Variants in PAOX observed in about 807,000 individuals in gnomAD.
The protein encoded by PAOX is polyamine oxidase, also known as peroxisomal N(1)-acetyl-spermine/spermidine oxidase.
A neutral mutation model predicts 39.0 loss-of-function variants in PAOX; 38 were observed. The observed-to-expected ratio is 0.97, with a 90% CI of 0.75 to 1.28. PAOX has a LOEUF of 1.28. Among genes scored for constraint, PAOX ranks in the 50% most tolerant of loss-of-function variants. The probability of loss-of-function intolerance (pLI) is 0.00; values close to 1 mark genes in which losing one functional copy is unlikely to be tolerated. For synonymous variants in PAOX, 311 were observed against 314.4 expected (o/e 0.99, Z 0.11); for missense variants, 667 against 685.7 (o/e 0.97, Z 0.30).
chr10:133,390,405 G>A lies in PAOX; in HGVS notation c.1392+658G>A, dbSNP rs560141731. Among the ~76,000 whole-genome samples the A allele has an allele frequency of 3.7e-3, 442 of 119,644 alleles. 2 individuals are homozygous for A. The highest frequency in any genetic ancestry group is 0.014 in the African/African-American group (431 of 29,918). The allele number at this position is 119,644 out of a possible 152,430, so 78.5% of individuals were successfully genotyped here. On this transcript the variant is annotated intron_variant, in intron 6 of 6. Transcript: ENST00000278060. ...CAGCCTGGGCAACATAGTGAGAGTC[G>A]GTCTCCACACACACACACACACACA...
At chr10:133,388,581 T>C (rs1849585651) in intron 4 of PAOX, among the ~76,000 whole-genome samples, 1 of 152,252 alleles carries the variant, frequency 6.6e-6, no homozygotes, top group Non-Finnish European at 1.5e-5. Context: ...CTGCCCTGGC[T>C]CTTGCTCAGG....
chr10:133,390,762 G>T, intron 6 of PAOX: 1 of 580,390 alleles, frequency 1.7e-6, no homozygotes, highest in Middle Eastern at 4.5e-4. Context: ...GTTACTAATT[G>T]ACTTCTCATT....
rs758218254 is a variant in PAOX at position 133,381,612 on chromosome 10, A to G, written c.821A>G (p.Asp274Gly). 8.1e-6 allele frequency: 13 copies of G among 1,613,392 alleles called. No homozygotes were observed. The highest frequency in any genetic ancestry group is 3.3e-5 in the South Asian group (3 of 91,074). The change falls in exon 3 of 7, where the codon GAT becomes GGT. Residue 274 changes from aspartate to glycine, a missense_variant. By Grantham distance (94) the Asp-to-Gly change is moderately conservative. Coordinates refer to ENST00000278060, the MANE Select transcript of PAOX (RefSeq NM_152911.4). The stretch of plus-strand genomic sequence containing the variant: ...TTTCCAGTGTCGGTAGAGTGTGAGG[A>G]TGGAGACCGGTTCCCGGCGCACCAT... ...ETFPVSVECE[D>G]GDRFPAHHVI... is the part of the protein sequence containing the mutation.
chr10:133,389,031 A>T lies in PAOX; in HGVS notation c.1197A>T (p.Val399=), dbSNP rs776643529. 6.2e-7 allele frequency: 1 copy of T among 1,614,096 alleles called. No homozygotes were observed. The highest frequency in any genetic ancestry group is 8.5e-7 in the Non-Finnish European group (1 of 1,180,010). ...EFMETLSDEE[V]LLCLTQVLRR... is the part of the protein sequence containing the mutation. ...TGGAGACTCTGTCGGATGAAGAAGT[A>T]CTTCTGTGTCTCACCCAAGTGCTCC... Residue 399 remains valine, a synonymous_variant, in exon 5 of 7, where the codon GTA becomes GTT. Transcript: ENST00000278060.
chr10:133,379,358 C>T lies in PAOX; in HGVS notation c.42C>T (p.Pro14=). ...TGSVGEAPGG[P]RVLVVGGGIA... Reference sequence around the variant, plus strand: ...GCGTCGGGGAGGCCCCGGGCGGACCCCGGGTGCTGGTGGTGGGCGGCGGCA... The same window carrying T: ...GCGTCGGGGAGGCCCCGGGCGGACCTCGGGTGCTGGTGGTGGGCGGCGGCA... The change falls in exon 1 of 7, where the codon CCC becomes CCT. Residue 14 remains proline, a synonymous_variant. Coordinates refer to ENST00000278060, the MANE Select transcript of PAOX (RefSeq NM_152911.4). The T allele has an allele frequency of 8.2e-7, 1 of 1,219,198 alleles. No individual in the cohort carries two copies. Among genetic ancestry groups the T allele is most frequent in the Non-Finnish European group, 1.0e-6 (1 of 980,086 alleles). The allele number at this position is 1,219,198 out of a possible 1,614,324, so 75.5% of individuals were successfully genotyped here.
rs554821189 is a variant in PAOX at position 133,387,880 on chromosome 10, C to T, written c.1122-1076C>T. 6.9e-3 allele frequency among the ~76,000 whole-genome samples: 1,046 copies of T among 152,278 alleles called. 9 individuals are homozygous for T. Among genetic ancestry groups the T allele is most frequent in the Non-Finnish European group, 7.2e-3 (492 of 68,022 alleles). On this transcript the variant is annotated intron_variant, in intron 4 of 6. Coordinates refer to ENST00000278060, the MANE Select transcript of PAOX (RefSeq NM_152911.4). ...GGACTACAGGTGCCCGCCACCACGC[C>T]TGGCTAATTTTTGTATTTTTATTAG... is the stretch of plus-strand genomic sequence containing the variant.
chr10:133,381,304 A>G (rs918153449), intron 2 of PAOX, among the ~76,000 whole-genome samples, 156 bp from the exon 3 acceptor site: 1 of 152,072 alleles, frequency 6.6e-6, no homozygotes, highest in Non-Finnish European at 1.5e-5. Flanking sequence ...GAGGTGGAAA[A>G]CCACAGAGTG....
At chr10:133,388,245 C>G (rs929113845) in intron 4 of PAOX, among the ~76,000 whole-genome samples, 1 of 152,074 alleles carries the variant, frequency 6.6e-6, no homozygotes, top group Non-Finnish European at 1.5e-5. Context: ...GTTCTATCAC[C>G]CAGGAATTAA....
In PAOX at chr10:133,387,560, C is replaced by T. The variant is rs74164171; in HGVS notation, c.1122-1396C>T. Reference sequence around the variant, plus strand: ...ATTTTCAAGAAAATGTCACCAAATACCACACCATGATTTGTCTGACTGGTG... The same window carrying T: ...ATTTTCAAGAAAATGTCACCAAATATCACACCATGATTTGTCTGACTGGTG... On this transcript the variant is annotated intron_variant, in intron 4 of 6. Transcript: ENST00000278060. Among the ~76,000 whole-genome samples the T allele has an allele frequency of 7.9e-3, 1,196 of 152,324 alleles. 20 individuals carry two copies. Among genetic ancestry groups the T allele is most frequent in the African/African-American group, 0.027 (1,138 of 41,568 alleles).
Position 133,384,160 on chromosome 10 carries a change from C to T in PAOX, c.1069C>T (p.Gln357Ter), listed in dbSNP as rs1456922956. The change falls in exon 4 of 7, where the codon CAG becomes TAG. Residue 357 changes from glutamine (Q) to a stop codon, truncating the protein, a stop_gained. Coordinates refer to ENST00000278060, the MANE Select transcript of PAOX (RefSeq NM_152911.4). LOFTEE classifies it high-confidence loss of function. The surrounding 1 kb of genome is among the most constrained non-coding windows in gnomAD (Gnocchi z 4.3). The part of the protein sequence containing the change: ...SPLEDAAPEL[Q>*]DAWFRKLIGF... ...CCTGGAGGATGCTGCCCCTGAGCTACAGGACGCCTGGTTCCGGAAGCTCAT... is the reference window on the plus strand; with the variant it reads ...CCTGGAGGATGCTGCCCCTGAGCTATAGGACGCCTGGTTCCGGAAGCTCAT... 4 of 1,614,192 alleles carry T rather than the reference C, an allele frequency of 2.5e-6. No homozygotes were observed. Among genetic ancestry groups the T allele is most frequent in the South Asian group, 1.1e-5 (1 of 91,084 alleles).
At chr10:133,391,064 G>C (rs527499172) in intron 6 of PAOX, 3 of 697,562 alleles carry the variant, frequency 4.3e-6, no homozygotes, top group Non-Finnish European at 7.9e-6. Context: ...TGGTGGATGC[G>C]TGTGAGCCGT....
At chr10:133,381,983 A>G (rs1849399120) in intron 3 of PAOX, among the ~76,000 whole-genome samples, 1 of 40,618 alleles carries the variant, frequency 2.5e-5, no homozygotes, top group African/African-American at 4.9e-5. Flanking sequence ...CCTGGTCTGA[A>G]GGTCAGGCCT....
intron 2 of PAOX, 24 bp downstream of exon 2, chr10:133,380,509 G>A (rs112773825): frequency 0.022 from 34,764 of 1,570,696 alleles, 469 homozygotes; most frequent in Middle Eastern, 0.039. Flanking sequence ...CCCCTGCCCC[G>A]CCAGTCCTCC....
chr10:133,379,594 G>A, intron 1 of PAOX, 97 bp downstream of exon 1: 2 of 977,930 alleles, frequency 2.0e-6, no homozygotes, highest in East Asian at 6.7e-5. Context: ...CTGCCCGGCC[G>A]CCTCACCGGG....
intron 2 of PAOX, among the ~76,000 whole-genome samples, chr10:133,380,796 G>A (rs1002822982): frequency 6.6e-6 from 1 of 152,178 alleles, no homozygotes; most frequent in South Asian, 2.1e-4. Flanking sequence ...TGGCCAACAT[G>A]GTGAAATCCC....
intron 6 of PAOX, 52 bp downstream of exon 6, chr10:133,389,799 G>C: frequency 7.1e-7 from 1 of 1,409,052 alleles, no homozygotes; most frequent in Non-Finnish European, 9.2e-7. Flanking sequence ...AGAGGCCCCC[G>C]CCGAGTCTGG....
chr10:133,385,094 G>A (rs527512494), intron 4 of PAOX, among the ~76,000 whole-genome samples: 3 of 152,216 alleles, frequency 2.0e-5, no homozygotes, highest in Admixed American at 1.3e-4. Context: ...TCAGGAGTTC[G>A]AGACCAGCCT....
Position 133,381,651 on chromosome 10 carries a change from T to A in PAOX, c.860T>A (p.Val287Glu). Residue 287 changes from valine to glutamate, a missense_variant, in exon 3 of 7, where the codon GTG becomes GAG. Transcript: ENST00000278060. Reference protein sequence around the residue: ...RFPAHHVIVTVPLGFLREHLD... With the variant: ...RFPAHHVIVTEPLGFLREHLD... Reference sequence around the variant, plus strand: ...CCGGCGCACCATGTCATCGTCACCGTGCCCTTAGGTAGGTCAGGTTTTCAG... The same window carrying A: ...CCGGCGCACCATGTCATCGTCACCGAGCCCTTAGGTAGGTCAGGTTTTCAG... 6.2e-7 allele frequency: 1 copy of A among 1,613,068 alleles called. No individual in the cohort carries two copies. The highest frequency in any genetic ancestry group is 1.1e-5 in the South Asian group (1 of 91,082).
At position 133,389,609 on chromosome 10, in the gene PAOX, G is replaced by T. The variant is rs1169300165; in HGVS notation, c.1254G>T (p.Ala418=). 1.9e-6 allele frequency: 3 copies of T among 1,613,718 alleles called. No homozygotes were observed. Among genetic ancestry groups the T allele is most frequent in the South Asian group, 1.1e-5 (1 of 91,086 alleles). Residue 418 remains alanine, a synonymous_variant, in exon 6 of 7, where the codon GCG becomes GCT. Coordinates refer to ENST00000278060, the MANE Select transcript of PAOX (RefSeq NM_152911.4). ...RRVTGNPRLP[A]PKSVLRSRWH... is the part of the protein sequence containing the mutation. The stretch of plus-strand genomic sequence containing the variant: ...GCTCAGGAAACCCACGGCTCCCCGC[G>T]CCCAAGAGCGTCCTGCGGTCTCGCT...
Sources: gnomAD v4.1 joint callset for allele counts (sites outside exome capture counted in the v4.1 genomes callset) on GRCh38, gnomAD v4.1.1 for gene constraint, Gnocchi (gnomAD v3.1) non-coding constraint, MANE v1.5 for transcripts, NCBI Gene and HGNC (gene_info 2026-07-23, HGNC 2026-07-21) for gene names.